The following PPFIA2 variants were observed in gnomAD, a reference collection of about 807,000 sequenced individuals.
The protein encoded by PPFIA2 is liprin-alpha-2.
A neutral mutation model predicts 175.5 loss-of-function variants in PPFIA2; 46 were observed. That is an observed-to-expected ratio of 0.26 (90% CI 0.21 to 0.34). The LOEUF (loss-of-function observed/expected upper bound fraction) is 0.34, where lower values mean the gene tolerates loss of function less well. PPFIA2 is among the 10% of genes least tolerant of loss of function. The pLI, the probability that PPFIA2 is intolerant of heterozygous loss-of-function variation, is 1.00. For missense variants in PPFIA2, 1,179 were observed against 1,506.1 expected, an observed-to-expected ratio of 0.78 and a Z score of 3.60; for synonymous variants, 568 against 511.4, an observed-to-expected ratio of 1.11 and a Z score of -1.49.
At chr12:81,408,461 C>T (rs771071319) in intron 7 of PPFIA2, among the ~76,000 whole-genome samples, 1 of 152,026 alleles carries the variant, frequency 6.6e-6, no homozygotes, top group Non-Finnish European at 1.5e-5. Context: ...ATTTAAAGAA[C>T]AAATTTAACT....
intron 4 of PPFIA2, among the ~76,000 whole-genome samples, chr12:81,651,719 G>A (rs1054111234): frequency 2.2e-4 from 33 of 152,212 alleles, no homozygotes; most frequent in African/African-American, 6.5e-4. Flanking sequence ...CTGATGCTCT[G>A]TGAGAATAAG....
At chr12:81,627,772 C>T (rs1398179447) in intron 4 of PPFIA2, among the ~76,000 whole-genome samples, 1 of 152,046 alleles carries the variant, frequency 6.6e-6, no homozygotes, top group African/African-American at 2.4e-5. Context: ...TCATAGGTTG[C>T]CCTCTTGTGG....
intron 24 of PPFIA2, among the ~76,000 whole-genome samples, chr12:81,293,908 T>A (rs1203255168): frequency 6.6e-6 from 1 of 152,132 alleles, no homozygotes; most frequent in Non-Finnish European, 1.5e-5. Flanking sequence ...CATCAGTGGA[T>A]GATTGGATAA....
chr12:81,353,283 G>C lies in PPFIA2; in HGVS notation c.1830C>G (p.Ser610Arg). The C allele has an allele frequency of 6.2e-7, 1 of 1,613,708 alleles. No homozygotes were observed. Residue 610 changes from serine (S) to arginine (R), a missense_variant, in exon 17 of 33, where the codon AGC becomes AGG. Transcript: ENST00000549396. The stretch of plus-strand genomic sequence containing the variant: ...CAGTGTCACTTTCAAAAGGGTGGCT[G>C]CTTAGTACTCCAATCTGTTGAGTTC... ...WNRTQQIGVL[S>R]SHPFESDTEM...
chr12:81,452,719 G>A (rs962830041), intron 5 of PPFIA2, among the ~76,000 whole-genome samples: 5 of 152,190 alleles, frequency 3.3e-5, no homozygotes, highest in South Asian at 2.1e-4. Flanking sequence ...TTATTAACTC[G>A]TACAGGCAGA....
rs550970415 is a variant in PPFIA2, at chr12:81,411,434, CG to C, written c.646-5532del. 1.6e-3 allele frequency among the ~76,000 whole-genome samples: 236 copies of C among 152,162 alleles called. 2 individuals carry two copies. The highest frequency in any genetic ancestry group is 4.9e-3 in the African/African-American group (204 of 41,530). On this transcript the variant is annotated intron_variant, in intron 7 of 32. Transcript: ENST00000549396. ...CATTCCTTCTAGGCACTCTCAAACA[CG>C]TTATATTTTCAAGCCAATCTTCTAG...
At chr12:81,684,103 C>T (rs973824082) in intron 3 of PPFIA2, among the ~76,000 whole-genome samples, 8 of 152,194 alleles carry the variant, frequency 5.3e-5, no homozygotes, top group African/African-American at 1.9e-4. Context: ...TTGAAGGGGA[C>T]AAACATTAAA....
chr12:81,397,997 G>T (rs2041456126), intron 8 of PPFIA2, among the ~76,000 whole-genome samples: 1 of 151,758 alleles, frequency 6.6e-6, no homozygotes, highest in Admixed American at 6.6e-5. Context: ...CAAGCTCAGA[G>T]CTCCCACTGA....
At chr12:81,633,570 T>C (rs79768274) in intron 4 of PPFIA2, among the ~76,000 whole-genome samples, 4,759 of 151,892 alleles carry the variant, frequency 0.031, 102 homozygotes, top group South Asian at 0.066. Flanking sequence ...AAGAGGCAAC[T>C]TCTAAATTGG....
At chr12:81,523,434 A>T (rs200590641) in intron 4 of PPFIA2, among the ~76,000 whole-genome samples, 1 of 152,178 alleles carries the variant, frequency 6.6e-6, no homozygotes, top group East Asian at 1.9e-4. Context: ...AAGTATTTCA[A>T]CATAAATGTT....
chr12:81,425,418 C>A (rs1327524139), intron 7 of PPFIA2, among the ~76,000 whole-genome samples: 1 of 152,218 alleles, frequency 6.6e-6, no homozygotes, highest in Non-Finnish European at 1.5e-5. Context: ...AATCTTGGCT[C>A]ACTGCAACCT....
chr12:81,708,257 A>G (rs1375353576), intron 3 of PPFIA2, among the ~76,000 whole-genome samples: 1 of 152,100 alleles, frequency 6.6e-6, no homozygotes, highest in African/African-American at 2.4e-5. Flanking sequence ...GTTTATTTTT[A>G]TGTTTTTAAT....
chr12:81,635,838 G>A (rs2063928224), intron 4 of PPFIA2, among the ~76,000 whole-genome samples: 2 of 152,138 alleles, frequency 1.3e-5, no homozygotes, highest in Non-Finnish European at 2.9e-5. Context: ...GTTGGAAGGA[G>A]TATCAAAGTC....
At chr12:81,388,337 C>T (rs2039414254) in intron 8 of PPFIA2, among the ~76,000 whole-genome samples, 1 of 152,018 alleles carries the variant, frequency 6.6e-6, no homozygotes, top group African/African-American at 2.4e-5. Flanking sequence ...CTGATCTCTC[C>T]AATACAATGA....
chr12:81,266,848 A>T, intron 30 of PPFIA2, 104 bp downstream of exon 30: 1 of 798,108 alleles, frequency 1.3e-6, no homozygotes, highest in Non-Finnish European at 2.1e-6. Flanking sequence ...TAACCATAGA[A>T]CAGTCATTTG....
chr12:81,659,463 C>G (rs2068403453), intron 4 of PPFIA2, among the ~76,000 whole-genome samples: 1 of 152,166 alleles, frequency 6.6e-6, no homozygotes, highest in Non-Finnish European at 1.5e-5. Context: ...ATTGCTAGCA[C>G]AGCAGTCTGA....
intron 21 of PPFIA2, among the ~76,000 whole-genome samples, chr12:81,332,278 C>T (rs1488906862): frequency 1.3e-5 from 2 of 152,054 alleles, no homozygotes; most frequent in Non-Finnish European, 2.9e-5. Flanking sequence ...ACTTCCTTTG[C>T]TTCATAAGCT....
chr12:81,575,972 G>T (rs1189727118), intron 4 of PPFIA2, among the ~76,000 whole-genome samples: 1 of 151,652 alleles, frequency 6.6e-6, no homozygotes, highest in Non-Finnish European at 1.5e-5. Flanking sequence ...CAGCAATCAG[G>T]TTTGCATTCC....
intron 17 of PPFIA2, among the ~76,000 whole-genome samples, chr12:81,348,352 C>T (rs1475111011): frequency 1.3e-5 from 2 of 152,158 alleles, no homozygotes; most frequent in Non-Finnish European, 2.9e-5. Context: ...CTTAGCCAAG[C>T]CTCCTTTAAA....
Sources: allele counts gnomAD v4.1 joint callset (sites outside exome capture counted in the v4.1 genomes callset), GRCh38; gene constraint gnomAD v4.1.1; transcripts MANE v1.5; gene names NCBI Gene and HGNC (gene_info 2026-07-23, HGNC 2026-07-21).